The following POLR3F variants were observed in gnomAD, a reference collection of about 807,000 sequenced individuals.
The protein encoded by POLR3F is DNA-directed RNA polymerase III subunit RPC6.
A neutral mutation model predicts 43.6 loss-of-function variants in POLR3F; 31 were observed. That is an observed-to-expected ratio of 0.71 (90% CI 0.53 to 0.96). The LOEUF (loss-of-function observed/expected upper bound fraction) is 0.96. POLR3F is among the 40% of genes least tolerant of loss of function. The pLI, the probability that POLR3F is intolerant of heterozygous loss-of-function variation, is 0.00. For synonymous variants in POLR3F, 114 were observed against 132.5 expected, an observed-to-expected ratio of 0.86 and a Z score of 0.96; for missense variants, 316 against 391.7, an observed-to-expected ratio of 0.81 and a Z score of 1.63.
In POLR3F at chr20:18,469,015, T is replaced by C. The variant is rs746233163; in HGVS notation, c.134T>C (p.Ile45Thr). 7 of 1,598,000 alleles carry C rather than the reference T, an allele frequency of 4.4e-6. No individual in the cohort carries two copies. In the African/African-American group the frequency reaches 9.4e-5, roughly 21 times the overall value. Residue 45 changes from isoleucine to threonine, a missense_variant, in exon 2 of 9, where the codon ATA (isoleucine) becomes ACA (threonine). Ile to Thr is a moderately conservative substitution (Grantham distance 89). Around this residue, in one of 3 missense-constraint regions of POLR3F, gnomAD observed 122 missense variants for 133.8 expected, o/e 0.91. Transcript: ENST00000377603. ...DQVIQNEMPH[I>T]EAQQRAVAIN... ...GTAATTCAGAATGAAATGCCTCATA[T>C]AGAAGCCCAGCAGCGGGCAGTAGCC...
chr20:18,471,387 C>T (rs375687207), intron 2 of POLR3F, among the ~76,000 whole-genome samples: 5 of 152,170 alleles, frequency 3.3e-5, no homozygotes, highest in East Asian at 3.8e-4. Flanking sequence ...GCCTGTTCTC[C>T]GAGTACCCAA....
In POLR3F at chr20:18,472,825, A is replaced by C. The variant is rs750937094; in HGVS notation, c.181-17A>C. 8.4e-7 allele frequency: 1 copy of C among 1,191,526 alleles called. No individual in the cohort carries two copies. The highest frequency in any genetic ancestry group is 2.1e-5 in the Admixed American group (1 of 47,526). The allele number at this position is 1,191,526 out of a possible 1,614,324, so 73.8% of individuals were successfully genotyped here. A position where few individuals can be genotyped will look rare whatever the true frequency, so the allele number is the denominator to read the frequency against. On this transcript the variant is annotated splice_polypyrimidine_tract_variant and intron_variant, in intron 2 of 8. Coordinates refer to ENST00000377603, the MANE Select transcript of POLR3F (RefSeq NM_006466.4). Reference sequence around the variant, plus strand: ...CCAAAATAACTGACTCCTGTTTTCTACTGTCTTAAAAACTAGGGTCAGTTG... The same window carrying C: ...CCAAAATAACTGACTCCTGTTTTCTCCTGTCTTAAAAACTAGGGTCAGTTG...
chr20:18,477,149 CA>C (rs2059784887), intron 5 of POLR3F, among the ~76,000 whole-genome samples: 1 of 151,170 alleles, frequency 6.6e-6, no homozygotes, highest in Admixed American at 6.6e-5. Flanking sequence ...ATCTGAACCT[CA>C]CCAAAGAAGA....
At chr20:18,479,266 C>T (rs930428452) in intron 5 of POLR3F, among the ~76,000 whole-genome samples, 1 of 151,914 alleles carries the variant, frequency 6.6e-6, no homozygotes, top group African/African-American at 2.4e-5. Context: ...GAGGCTGAGG[C>T]GGGAGGATCA....
At chr20:18,476,425 T>A (rs1032577146) in intron 5 of POLR3F, among the ~76,000 whole-genome samples, 7 of 152,378 alleles carry the variant, frequency 4.6e-5, no homozygotes, top group Middle Eastern at 3.4e-3. Flanking sequence ...TTGTGCTTTA[T>A]TCCTTCTTAT....
intron 5 of POLR3F, among the ~76,000 whole-genome samples, chr20:18,478,320 A>G (rs751458312): frequency 3.5e-4 from 53 of 151,272 alleles, no homozygotes; most frequent in Non-Finnish European, 5.6e-4. Flanking sequence ...GGCTCAAGCC[A>G]TCCTCCCACC....
chr20:18,469,074 T>C lies in POLR3F; in HGVS notation c.180+13T>C. 8.5e-7 allele frequency: 1 copy of C among 1,173,720 alleles called. No homozygotes were observed. The highest frequency in any genetic ancestry group is 1.3e-6 in the Non-Finnish European group (1 of 778,246). The allele number at this position is 1,173,720 out of a possible 1,614,324, so 72.7% of individuals were successfully genotyped here. The stretch of plus-strand genomic sequence containing the variant: ...GTTGTTGTCTATGGTAAGGTGAATC[T>C]AACTATTTTGCATAATTACTGATAT... On this transcript the variant is annotated intron_variant, in intron 2 of 8. Transcript: ENST00000377603.
intron 4 of POLR3F, among the ~76,000 whole-genome samples, chr20:18,474,594 G>A (rs1410199039): frequency 6.6e-6 from 1 of 150,414 alleles, no homozygotes; most frequent in Non-Finnish European, 1.5e-5. Flanking sequence ...TCTCGGCTCA[G>A]TGCAACCTCC....
At position 18,480,593 on chromosome 20, in the gene POLR3F, GTT is replaced by G. The variant is rs57962043; in HGVS notation, c.681+95_681+96del. On this transcript the variant is annotated intron_variant, in intron 7 of 8. Transcript: ENST00000377603. ...TCCAAACATGTATTTGACCCACATT[GTT>G]TTTTTTTTTTGAGATGATAGCTACG... 5.9e-3 allele frequency: 3,259 copies of G among 552,802 alleles called. 2 individuals carry two copies. Among genetic ancestry groups the G allele is most frequent in the South Asian group, 7.9e-3 (323 of 40,904 alleles). 34.2% of individuals were successfully genotyped at this position (552,802 alleles called of 1,614,324 possible). A position where few individuals can be genotyped will look rare whatever the true frequency, so the allele number is the denominator to read the frequency against.
At chr20:18,476,577 A>G (rs932367849) in intron 5 of POLR3F, among the ~76,000 whole-genome samples, 11 of 152,252 alleles carry the variant, frequency 7.2e-5, no homozygotes, top group East Asian at 1.9e-4. Flanking sequence ...TGAAGAAAAC[A>G]TAGAAAATCT....
chr20:18,479,582 GCCCAAAGCAT>G, intron 5 of POLR3F, among the ~76,000 whole-genome samples: 1 of 152,182 alleles, frequency 6.6e-6, no homozygotes, highest in African/African-American at 2.4e-5. Flanking sequence ...AGCTTCCAAT[GCCCAAAGCAT>G]TCCAAAGCTT....
chr20:18,476,169 A>G (rs558854324), intron 5 of POLR3F, among the ~76,000 whole-genome samples: 9 of 152,324 alleles, frequency 5.9e-5, no homozygotes, highest in African/African-American at 2.2e-4. Flanking sequence ...TTTTACTATA[A>G]GCTAAGAGTT....
intron 2 of POLR3F, 51 bp downstream of exon 2, chr20:18,469,112 T>G: frequency 1.2e-6 from 1 of 838,386 alleles, no homozygotes; most frequent in South Asian, 1.3e-5. Flanking sequence ...TGATTATCAC[T>G]GGTTTTTATT....
intron 4 of POLR3F, among the ~76,000 whole-genome samples, chr20:18,473,968 T>A (rs1288696296): frequency 6.6e-6 from 1 of 152,102 alleles, no homozygotes; most frequent in East Asian, 1.9e-4. Context: ...TAAATTGCAA[T>A]CCTAAGTTAC....
intron 7 of POLR3F, among the ~76,000 whole-genome samples, chr20:18,480,812 T>C (rs2059806039): frequency 6.6e-6 from 1 of 152,038 alleles, no homozygotes; most frequent in African/African-American, 2.4e-5. Flanking sequence ...TCCTCCTGCG[T>C]TGGCCTCCCA....
At chr20:18,471,147 C>T (rs959905222) in intron 2 of POLR3F, among the ~76,000 whole-genome samples, 1 of 152,150 alleles carries the variant, frequency 6.6e-6, no homozygotes, top group African/African-American at 2.4e-5. Context: ...CACACTGAGT[C>T]CCTGCATTGT....
chr20:18,472,870 C>G lies in POLR3F; in HGVS notation c.209C>G (p.Thr70Arg). 2 of 1,509,318 alleles carry G rather than the reference C, an allele frequency of 1.3e-6. No homozygotes were observed. The highest frequency in any genetic ancestry group is 1.8e-6 in the Non-Finnish European group (2 of 1,099,388). The allele number at this position is 1,509,318 out of a possible 1,614,324, so 93.5% of individuals were successfully genotyped here. A position where few individuals can be genotyped will look rare whatever the true frequency, so the allele number is the denominator to read the frequency against. The change falls in exon 3 of 9, where the codon ACG (threonine) becomes AGG (arginine). Residue 70 changes from threonine to arginine, a missense_variant. Physicochemically the swap from Thr to Arg is moderately conservative, Grantham distance 71. Transcript: ENST00000377603. The part of the protein sequence containing the change: ...MGQLDLLRSN[T>R]GLLYRIKDSQ... ...CAGTTGGATCTCTTAAGGAGCAATA[C>G]GGGCCTTTTATATAGAATAAAGGAC...
chr20:18,467,640 G>A, intron 1 of POLR3F, 72 bp downstream of exon 1: 3 of 1,606,690 alleles, frequency 1.9e-6, no homozygotes, highest in East Asian at 4.5e-5. Context: ...CCCCTTCTCC[G>A]GGATCCCTTG....
At position 18,483,636 on chromosome 20, in the gene POLR3F, C is replaced by A; in HGVS notation, c.*78C>A. 1.7e-6 allele frequency: 1 copy of A among 599,046 alleles called. No homozygotes were observed. The highest frequency in any genetic ancestry group is 2.9e-6 in the Non-Finnish European group (1 of 342,298). 37.1% of individuals were successfully genotyped at this position (599,046 alleles called of 1,614,324 possible). A position where few individuals can be genotyped will look rare whatever the true frequency, so the allele number is the denominator to read the frequency against. The stretch of plus-strand genomic sequence containing the variant: ...AGATAATTTAATTCATGATGGAACA[C>A]GAAATCTCCTTGAAAGCAAACTTCA... On this transcript the variant is annotated 3_prime_UTR_variant, in exon 9 of 9. Coordinates refer to ENST00000377603, the MANE Select transcript of POLR3F (RefSeq NM_006466.4).
Sources: allele counts gnomAD v4.1 joint callset (sites outside exome capture counted in the v4.1 genomes callset), GRCh38; gene constraint gnomAD v4.1.1; regional missense constraint gnomAD v4.1.1; transcripts MANE v1.5; gene names NCBI Gene and HGNC (gene_info 2026-07-23, HGNC 2026-07-21).